Variants in HCK observed in about 807,000 individuals in gnomAD.
The protein encoded by HCK is HCK proto-oncogene, Src family tyrosine kinase, also known as tyrosine-protein kinase HCK.
In HCK, 40 loss-of-function variants were observed where a neutral mutation model predicts 70.4. The observed-to-expected ratio is 0.57, with a 90% CI of 0.44 to 0.74. The LOEUF is 0.74. Among genes scored for constraint, HCK ranks in the 30% least tolerant of loss-of-function variants. The pLI, the probability that HCK is intolerant of heterozygous loss-of-function variation, is 0.00. For missense variants in HCK, 568 were observed against 697.2 expected (o/e 0.81, Z 2.09); for synonymous variants, 245 against 263.2 (o/e 0.93, Z 0.67).
At chr20:32,092,105 G>T (rs2045872281) in intron 10 of HCK, among the ~76,000 whole-genome samples, 1 of 152,270 alleles carries the variant, frequency 6.6e-6, no homozygotes. Flanking sequence ...ACCTTGAGAA[G>T]CCGGCCGGTG....
At chr20:32,073,912 C>T in intron 4 of HCK, 94 bp downstream of exon 4, 1 of 702,914 alleles carries the variant, frequency 1.4e-6, no homozygotes, top group East Asian at 2.7e-5. Context: ...GATAGATGGG[C>T]TATCTTATCC....
At position 32,083,929 on chromosome 20, in the gene HCK, C is replaced by G. The variant is rs376025420; in HGVS notation, c.568C>G (p.Arg190Gly). ...TTTGTCCGTGCGAGACTACGACCCT[C>G]GGCAGGGAGATACCGTGAAACATTA... is the stretch of plus-strand genomic sequence containing the variant. Residue 190 changes from arginine to glycine, a missense_variant, in exon 7 of 13, where the codon CGG becomes GGG. By Grantham distance (125) the Arg-to-Gly change is moderately radical. Around this residue, in one of 4 missense-constraint regions of HCK, gnomAD observed 318 missense variants for 336.0 expected, o/e 0.95. Transcript: ENST00000375852. 41 of 1,614,172 alleles carry G rather than the reference C, an allele frequency of 2.5e-5. No homozygotes were observed. In the African/African-American group the frequency reaches 4.7e-4, roughly 18 times the overall value.
At chr20:32,093,580 T>A (rs1056192032) in intron 10 of HCK, among the ~76,000 whole-genome samples, 6 of 151,712 alleles carry the variant, frequency 4.0e-5, no homozygotes, top group Admixed American at 2.6e-4. Flanking sequence ...GGAGAAATAG[T>A]CCCATTGCTT....
chr20:32,074,059 G>T (rs908088371), intron 4 of HCK, among the ~76,000 whole-genome samples: 7 of 152,204 alleles, frequency 4.6e-5, no homozygotes, highest in African/African-American at 1.7e-4. Flanking sequence ...TCTCAGGGAA[G>T]CCTTTCTAGG....
chr20:32,061,121 T>G (rs1425815357), intron 1 of HCK, among the ~76,000 whole-genome samples: 3 of 152,110 alleles, frequency 2.0e-5, no homozygotes, highest in Non-Finnish European at 2.9e-5. Context: ...GTAGCTAGGA[T>G]TACAAGCATG....
In HCK at chr20:32,052,351, G is replaced by C. The variant is rs1434608074; in HGVS notation, c.-74G>C. On this transcript the variant is annotated 5_prime_UTR_variant, in exon 1 of 13. Coordinates refer to ENST00000375852, the MANE Select transcript of HCK (RefSeq NM_002110.5). ...GCCCGCGGCACCAAAGCCCCTCAGA[G>C]CGTCGCCCCCGCCTCTAGTTCTAGA... 1 of 1,101,964 alleles carries C rather than the reference G, an allele frequency of 9.1e-7. No individual in the cohort carries two copies. Among genetic ancestry groups the C allele is most frequent in the South Asian group, 3.4e-5 (1 of 29,152 alleles). The allele number at this position is 1,101,964 out of a possible 1,614,324, so 68.3% of individuals were successfully genotyped here.
intron 1 of HCK, among the ~76,000 whole-genome samples, chr20:32,070,846 C>T (rs903529692): frequency 6.9e-6 from 1 of 144,986 alleles, no homozygotes; most frequent in African/African-American, 2.6e-5. Context: ...CAGAGAGAGA[C>T]AGAGAGAAAG....
At position 32,073,771 on chromosome 20, in the gene HCK, C is replaced by T. The variant is rs2227967; in HGVS notation, c.282C>T (p.His94=). The T allele has an allele frequency of 1.4e-4, 221 of 1,556,468 alleles. No individual in the cohort carries two copies. Among genetic ancestry groups the T allele is most frequent in the African/African-American group, 1.3e-3 (92 of 73,514 alleles). ...TGTATGATTACGAGGCCATTCACCA[C>T]GAAGACCTCAGCTTCCAGAAGGGGG... is the stretch of plus-strand genomic sequence containing the variant. The change falls in exon 4 of 13, where the codon CAC becomes CAT. Residue 94 remains histidine (H), a synonymous_variant. Transcript: ENST00000375852.
intron 6 of HCK, 88 bp downstream of exon 6, chr20:32,079,965 G>A (rs1428473277): frequency 9.8e-7 from 1 of 1,019,090 alleles, no homozygotes; most frequent in East Asian, 2.6e-5. Flanking sequence ...AATGCCCTGG[G>A]AAAGGCTGAA....
Position 32,083,991 on chromosome 20 carries a change from A to G in HCK, c.630A>G (p.Ile210Met). The stretch of plus-strand genomic sequence containing the variant: ...CCCTGGACAACGGGGGCTTCTACAT[A>G]TCCCCCCGAAGCACCTTCAGCACTC... Residue 210 changes from isoleucine (I) to methionine (M), a missense_variant, in exon 7 of 13, where the codon ATA becomes ATG. Ile to Met is a conservative substitution (Grantham distance 10). This residue lies in a region of HCK where 318 missense variants were observed against 336.0 expected (regional missense o/e 0.95). Coordinates refer to ENST00000375852, the MANE Select transcript of HCK (RefSeq NM_002110.5). 1.2e-6 allele frequency: 2 copies of G among 1,614,088 alleles called. No homozygotes were observed. Among genetic ancestry groups the G allele is most frequent in the Non-Finnish European group, 1.7e-6 (2 of 1,180,014 alleles).
At chr20:32,078,686 G>A (rs540297893) in intron 5 of HCK, among the ~76,000 whole-genome samples, 7 of 151,686 alleles carry the variant, frequency 4.6e-5, no homozygotes, top group South Asian at 2.1e-4. Flanking sequence ...GTAAAACCCC[G>A]TCTCTACTAA....
chr20:32,073,278 A>T (rs372571266), intron 2 of HCK, 41 bp from the exon 3 acceptor site: 2 of 1,570,204 alleles, frequency 1.3e-6, no homozygotes, highest in Non-Finnish European at 1.8e-6. Flanking sequence ...GTCCCCACAC[A>T]TTGGTCAGAT....
intron 1 of HCK, among the ~76,000 whole-genome samples, chr20:32,065,216 A>G (rs1193725107): frequency 1.3e-5 from 2 of 152,190 alleles, no homozygotes; most frequent in African/African-American, 4.8e-5. Context: ...ACATTGGTGG[A>G]TCTCAAATTT....
At chr20:32,075,949 C>G (rs768155510) in intron 5 of HCK, among the ~76,000 whole-genome samples, 1 of 152,236 alleles carries the variant, frequency 6.6e-6, no homozygotes, top group Admixed American at 6.5e-5. Flanking sequence ...TCTGCCTCCT[C>G]TTTCTAGCTA....
chr20:32,053,247 G>T (rs899413140), intron 1 of HCK, among the ~76,000 whole-genome samples: 2 of 152,074 alleles, frequency 1.3e-5, no homozygotes, highest in Non-Finnish European at 2.9e-5. Flanking sequence ...GTTGGGGCTG[G>T]GGTAGAGGAT....
At position 32,101,540 on chromosome 20, in the gene HCK, C is replaced by T. The variant is rs776683669; in HGVS notation, c.*21C>T. On this transcript the variant is annotated 3_prime_UTR_variant, in exon 13 of 13. Transcript: ENST00000375852. ...CATGATAGGGAGGACCAGGGCAGGG[C>T]CAGGGGGTGCCCAGGTGGTGGCTGC... The T allele has an allele frequency of 3.1e-6, 5 of 1,596,236 alleles. No individual in the cohort carries two copies. The highest frequency in any genetic ancestry group is 4.3e-6 in the Non-Finnish European group (5 of 1,168,834).
chr20:32,072,021 A>T (rs1346313189), intron 2 of HCK: 7 of 531,452 alleles, frequency 1.3e-5, no homozygotes, highest in Non-Finnish European at 1.6e-5. Context: ...CCTGAGCTCC[A>T]CCAAACAGGT....
chr20:32,067,531 C>CTTTTTTTTT (rs11482239), intron 1 of HCK, among the ~76,000 whole-genome samples: 3 of 110,330 alleles, frequency 2.7e-5, no homozygotes, highest in African/African-American at 3.6e-5. Context: ...GATGCTTTTA[C>CTTTTTTTTT]TTTTTTTTTT....
intron 10 of HCK, among the ~76,000 whole-genome samples, chr20:32,092,354 A>G (rs1458467338): frequency 6.6e-6 from 1 of 152,220 alleles, no homozygotes; most frequent in Non-Finnish European, 1.5e-5. Context: ...TCCTGCCTCA[A>G]AGAGCTCAAG....
Sources: gnomAD v4.1 joint callset for allele counts (sites outside exome capture counted in the v4.1 genomes callset) on GRCh38, gnomAD v4.1.1 for gene constraint, gnomAD v4.1.1 regional missense constraint, MANE v1.5 for transcripts, NCBI Gene and HGNC (gene_info 2026-07-23, HGNC 2026-07-21) for gene names.